Variants in CDH12 observed in about 807,000 individuals in gnomAD.
CDH12 encodes cadherin-12.
CDH12 carries 41 observed loss-of-function variants against 74.1 expected under a neutral mutation model. The ratio of observed to expected loss-of-function variants is 0.55; its 90% CI spans 0.43 to 0.72. CDH12 has a LOEUF of 0.72. CDH12 is among the 30% of genes least tolerant of loss of function. CDH12 has a pLI of 0.00. For missense variants in CDH12, 945 were observed against 977.2 expected, an observed-to-expected ratio of 0.97 and a Z score of 0.44; for synonymous variants, 399 against 355.0, an observed-to-expected ratio of 1.12 and a Z score of -1.39.
intron 3 of CDH12, among the ~76,000 whole-genome samples, chr5:22,373,339 T>C (rs1468424781): frequency 6.6e-6 from 1 of 152,136 alleles, no homozygotes; most frequent in East Asian, 1.9e-4. Flanking sequence ...CATGAACCAC[T>C]TGGGTTCCAG....
chr5:22,191,577 T>TTTTTTTTTTTTTTTTC (rs1561205829), intron 4 of CDH12, among the ~76,000 whole-genome samples: 1 of 129,910 alleles, frequency 7.7e-6, no homozygotes, highest in African/African-American at 3.0e-5. Flanking sequence ...TTTTTTTTTT[T>TTTTTTTTTTTTTTTTC]TTTTTGAGAC....
intron 1 of CDH12, among the ~76,000 whole-genome samples, chr5:22,595,426 G>T (rs1213408740): frequency 6.6e-6 from 1 of 152,136 alleles, no homozygotes; most frequent in Non-Finnish European, 1.5e-5. Flanking sequence ...GATATGCAAG[G>T]TCATGATATG....
In CDH12 at chr5:21,793,666, T is replaced by C. The variant is rs552452276; in HGVS notation, c.1256+8501A>G. ...CTGCTTACCATTTGAAACCTAAATA[T>C]AGACATCATATTTGAAAGAAAGGTT... is the stretch of plus-strand genomic sequence containing the variant. On this transcript the variant is annotated intron_variant, in intron 10 of 14. Transcript: ENST00000382254. Among the ~76,000 whole-genome samples the C allele has an allele frequency of 2.0e-5, 3 of 151,734 alleles. No homozygotes were observed. In the South Asian group the frequency reaches 6.2e-4, roughly 31 times the overall value.
At position 22,296,670 on chromosome 5, in the gene CDH12, C is replaced by T. The variant is rs183806074; in HGVS notation, c.-332-84027G>A. Among the ~76,000 whole-genome samples, 359 of 152,206 alleles carry T rather than the reference C, an allele frequency of 2.4e-3. 1 individual carries two copies. The highest frequency in any genetic ancestry group is 3.9e-3 in the Non-Finnish European group (267 of 67,994). On this transcript the variant is annotated intron_variant, in intron 3 of 14. Transcript: ENST00000382254. The stretch of plus-strand genomic sequence containing the variant: ...TCTTCTGTATTTTCAAATATACATG[C>T]TATCTAATTTAAAGAAATTGAGTTT...
chr5:22,679,138 C>G (rs1202178814), intron 1 of CDH12, among the ~76,000 whole-genome samples: 1 of 152,044 alleles, frequency 6.6e-6, no homozygotes, highest in Non-Finnish European at 1.5e-5. Context: ...AAGCACATGG[C>G]CATCATTCAT....
intron 5 of CDH12, among the ~76,000 whole-genome samples, chr5:22,043,168 C>T (rs1739694829): frequency 6.6e-6 from 1 of 152,002 alleles, no homozygotes; most frequent in Non-Finnish European, 1.5e-5. Flanking sequence ...GGCCAATATT[C>T]CTGATAAGTA....
intron 3 of CDH12, among the ~76,000 whole-genome samples, chr5:22,259,047 G>A (rs1341631965): frequency 6.6e-6 from 1 of 152,092 alleles, no homozygotes; most frequent in Non-Finnish European, 1.5e-5. Context: ...ACACACAAAT[G>A]TAAAATTTTA....
chr5:22,538,315 T>C (rs1737953826), intron 1 of CDH12, among the ~76,000 whole-genome samples: 2 of 152,218 alleles, frequency 1.3e-5, no homozygotes, highest in African/African-American at 2.4e-5. Context: ...ACTTAAAATA[T>C]TTCTCAGGCA....
rs138039592 is a variant in CDH12, at chr5:22,185,283, C to T, written c.-187+27215G>A. On this transcript the variant is annotated intron_variant, in intron 4 of 14. Coordinates refer to ENST00000382254, the MANE Select transcript of CDH12 (RefSeq NM_004061.5). ...GTGCAATCTTGGCTCACTGCAATCT[C>T]TGCCTCCCAGGTTCAAGTGATTCTC... Among the ~76,000 whole-genome samples the T allele has an allele frequency of 9.7e-3, 1,458 of 149,858 alleles. 23 individuals are homozygous for T. The highest frequency in any genetic ancestry group is 0.033 in the African/African-American group (1,338 of 40,706).
intron 7 of CDH12, among the ~76,000 whole-genome samples, chr5:21,852,648 A>G (rs1302664559): frequency 6.6e-6 from 1 of 151,422 alleles, no homozygotes; most frequent in Admixed American, 6.6e-5. Context: ...TTAATGCTAA[A>G]TCCTTCATTC....
At chr5:21,949,802 CAA>C (rs761187221) in intron 6 of CDH12, among the ~76,000 whole-genome samples, 7 of 151,968 alleles carry the variant, frequency 4.6e-5, no homozygotes, top group South Asian at 4.1e-4. Context: ...AGTGTTATTA[CAA>C]AAGAGTCAAA....
At chr5:22,635,014 A>G (rs1015892780) in intron 1 of CDH12, among the ~76,000 whole-genome samples, 2 of 151,854 alleles carry the variant, frequency 1.3e-5, no homozygotes, top group Admixed American at 6.6e-5. Context: ...AGATGATCAC[A>G]TAATGCAAGG....
chr5:22,610,460 T>C (rs934276268), intron 1 of CDH12, among the ~76,000 whole-genome samples: 2 of 152,162 alleles, frequency 1.3e-5, no homozygotes, highest in Non-Finnish European at 1.5e-5. Context: ...ATTCTGCAGA[T>C]GTAGGATAAT....
At chr5:22,553,917 G>A (rs1738683649) in intron 1 of CDH12, among the ~76,000 whole-genome samples, 1 of 152,070 alleles carries the variant, frequency 6.6e-6, no homozygotes, top group Non-Finnish European at 1.5e-5. Flanking sequence ...GATATAATGT[G>A]GAGTATAAAC....
intron 3 of CDH12, among the ~76,000 whole-genome samples, chr5:22,333,119 T>C (rs1440952890): frequency 1.3e-5 from 2 of 152,090 alleles, no homozygotes; most frequent in Admixed American, 6.5e-5. Context: ...ACATACACCA[T>C]GGAATACTAT....
chr5:22,483,770 A>AT (rs1400461763), intron 2 of CDH12, among the ~76,000 whole-genome samples: 91 of 100,816 alleles, frequency 9.0e-4, no homozygotes, highest in Non-Finnish European at 1.1e-3. Flanking sequence ...ATATAAATTT[A>AT]ATTAATTGGG....
chr5:22,083,881 T>C (rs1474080734), intron 4 of CDH12, among the ~76,000 whole-genome samples: 1 of 152,190 alleles, frequency 6.6e-6, no homozygotes, highest in Non-Finnish European at 1.5e-5. Flanking sequence ...CAAGTTATTT[T>C]TCAAAACCTA....
At chr5:21,820,839 C>T (rs1442281011) in intron 8 of CDH12, among the ~76,000 whole-genome samples, 5 of 151,894 alleles carry the variant, frequency 3.3e-5, no homozygotes, top group East Asian at 3.9e-4. Flanking sequence ...ACACCGCCAC[C>T]GTCTTCCAGG....
intron 5 of CDH12, among the ~76,000 whole-genome samples, chr5:22,036,545 TGTGTGTGTGA>T (rs1252219033): frequency 6.6e-6 from 1 of 152,050 alleles, no homozygotes; most frequent in Non-Finnish European, 1.5e-5. Context: ...GGACTGTGCG[TGTGTGTGTGA>T]GTGTGTGTGT....
Sources: gnomAD v4.1 joint callset for allele counts (sites outside exome capture counted in the v4.1 genomes callset) on GRCh38, gnomAD v4.1.1 for gene constraint, MANE v1.5 for transcripts, NCBI Gene and HGNC (gene_info 2026-07-23, HGNC 2026-07-21) for gene names.